Variants in GNAZ observed in about 807,000 individuals in gnomAD.
The protein encoded by GNAZ is guanine nucleotide-binding protein G(z) subunit alpha.
A neutral mutation model predicts 25.4 loss-of-function variants in GNAZ; 3 were observed. The observed-to-expected ratio is 0.12, with a 90% CI of 0.05 to 0.30. The LOEUF (loss-of-function observed/expected upper bound fraction) is 0.30. GNAZ is among the 10% of genes least tolerant of loss of function. GNAZ has a pLI of 1.00. For missense variants in GNAZ, 241 were observed against 501.8 expected (o/e 0.48, Z 4.97); for synonymous variants, 211 against 205.7 (o/e 1.03, Z -0.22).
At chr22:23,113,032 A>C (rs1476380144) in intron 2 of GNAZ, among the ~76,000 whole-genome samples, 1 of 151,390 alleles carries the variant, frequency 6.6e-6, no homozygotes, top group Non-Finnish European at 1.5e-5. Flanking sequence ...TGCTCTGAGC[A>C]TAGCAGCCCC....
chr22:23,116,142 C>T (rs923629198), intron 2 of GNAZ, among the ~76,000 whole-genome samples: 2 of 152,262 alleles, frequency 1.3e-5, no homozygotes, highest in Admixed American at 1.3e-4. Context: ...AGCCTTGCTT[C>T]GTGAAGCTGC....
intron 2 of GNAZ, among the ~76,000 whole-genome samples, chr22:23,119,760 A>C (rs1339282324): frequency 6.6e-6 from 1 of 152,128 alleles, no homozygotes; most frequent in Non-Finnish European, 1.5e-5. Context: ...CCCGGAAGTG[A>C]GGTATGTGGT....
chr22:23,078,697 C>G (rs2068580435), intron 1 of GNAZ, among the ~76,000 whole-genome samples: 2 of 152,218 alleles, frequency 1.3e-5, no homozygotes. Flanking sequence ...GGGATTATCC[C>G]CATCACTGGC....
intron 2 of GNAZ, among the ~76,000 whole-genome samples, chr22:23,105,754 C>T (rs919671265): frequency 6.6e-6 from 1 of 152,208 alleles, no homozygotes; most frequent in African/African-American, 2.4e-5. Context: ...TTCCCTTCAG[C>T]GACTGACACT....
chr22:23,112,515 CTG>C (rs1413358840), intron 2 of GNAZ, among the ~76,000 whole-genome samples: 2 of 152,158 alleles, frequency 1.3e-5, no homozygotes. Flanking sequence ...CACAGCAGGT[CTG>C]TGGCCACGGC....
intron 2 of GNAZ, among the ~76,000 whole-genome samples, chr22:23,120,374 G>A (rs554599189): frequency 2.0e-5 from 3 of 152,220 alleles, no homozygotes; most frequent in Admixed American, 6.5e-5. Context: ...GGGGGTCCAC[G>A]TGGTCTATCG....
chr22:23,095,968 C>G lies in GNAZ; in HGVS notation c.273C>G (p.Leu91=). The G allele has an allele frequency of 1.2e-6, 2 of 1,611,620 alleles. No individual in the cohort carries two copies. Among genetic ancestry groups the G allele is most frequent in the Non-Finnish European group, 1.7e-6 (2 of 1,180,022 alleles). Residue 91 remains leucine (L), a synonymous_variant, in exon 2 of 3, where the codon CTC becomes CTG. Transcript: ENST00000615612. ...LTRIIRALAA[L]RIDFHNPDRA... is the part of the protein sequence containing the mutation. ...GCATCATCCGGGCCCTGGCCGCCCT[C>G]AGGATCGACTTCCACAACCCCGACC...
At position 23,117,850 on chromosome 22, in the gene GNAZ, C is replaced by G. The variant is rs117189542; in HGVS notation, c.724-5237C>G. Among the ~76,000 whole-genome samples, 318 of 152,334 alleles carry G rather than the reference C, an allele frequency of 2.1e-3. 5 individuals carry two copies. In the East Asian group the frequency reaches 0.043, roughly 20 times the overall value. On this transcript the variant is annotated intron_variant, in intron 2 of 2. Transcript: ENST00000615612. ...TGCCCCTTTGTGTCACCAGGAGAAC[C>G]TTGGTGGAGAATCAGGAGTGAGAGG... is the stretch of plus-strand genomic sequence containing the variant.
chr22:23,095,595 G>C lies in GNAZ; in HGVS notation c.-101G>C. 7.4e-7 allele frequency: 1 copy of C among 1,360,496 alleles called. No individual in the cohort carries two copies. The highest frequency in any genetic ancestry group is 9.9e-7 in the Non-Finnish European group (1 of 1,008,230). 84.3% of individuals were successfully genotyped at this position (1,360,496 alleles called of 1,614,324 possible). A position where few individuals can be genotyped will look rare whatever the true frequency, so the allele number is the denominator to read the frequency against. On this transcript the variant is annotated 5_prime_UTR_variant, in exon 2 of 3. Coordinates refer to ENST00000615612, the MANE Select transcript of GNAZ (RefSeq NM_002073.4). The stretch of plus-strand genomic sequence containing the variant: ...CCCCTGCTGGCACTGAGTGCCTCCA[G>C]GGCAGCTGGGCTCTTGTCTGCCTGG...
intron 2 of GNAZ, among the ~76,000 whole-genome samples, chr22:23,113,022 T>G (rs1332026238): frequency 1.3e-5 from 2 of 152,166 alleles, no homozygotes; most frequent in Non-Finnish European, 2.9e-5. Context: ...GAAGGGGACC[T>G]GCTCTGAGCA....
At chr22:23,122,996 T>C (rs1020003681) in intron 2 of GNAZ, 91 bp from the exon 3 acceptor site, 23 of 849,282 alleles carry the variant, frequency 2.7e-5, no homozygotes, top group Middle Eastern at 2.4e-4. Flanking sequence ...GCTGAGACCC[T>C]AGCAAAGGCT....
chr22:23,115,379 G>A (rs1601828812), intron 2 of GNAZ, among the ~76,000 whole-genome samples: 1 of 152,190 alleles, frequency 6.6e-6, no homozygotes, highest in Non-Finnish European at 1.5e-5. Flanking sequence ...GAGTAGGGAG[G>A]TGACGGTCCC....
At chr22:23,080,994 A>T (rs1485670291) in intron 1 of GNAZ, among the ~76,000 whole-genome samples, 2 of 152,106 alleles carry the variant, frequency 1.3e-5, no homozygotes, top group African/African-American at 4.8e-5. Flanking sequence ...GTCCGTTGTG[A>T]TTGTCCCAAA....
At chr22:23,103,498 G>C (rs1033352077) in intron 2 of GNAZ, among the ~76,000 whole-genome samples, 6 of 152,118 alleles carry the variant, frequency 3.9e-5, no homozygotes, top group Admixed American at 1.3e-4. Flanking sequence ...CTCTGACCCT[G>C]TGGCCGCGTG....
intron 1 of GNAZ, among the ~76,000 whole-genome samples, chr22:23,078,619 C>T (rs766666832): frequency 6.6e-6 from 1 of 152,248 alleles, no homozygotes; most frequent in Admixed American, 6.5e-5. Context: ...GAGGGTGTGG[C>T]CACTGCGGTC....
chr22:23,093,902 C>T (rs1477178467), intron 1 of GNAZ, among the ~76,000 whole-genome samples: 1 of 152,168 alleles, frequency 6.6e-6, no homozygotes, highest in African/African-American at 2.4e-5. Flanking sequence ...GAGGACAGCC[C>T]ACCAGGGGCC....
chr22:23,082,795 A>G (rs963481197), intron 1 of GNAZ, among the ~76,000 whole-genome samples: 4 of 152,054 alleles, frequency 2.6e-5, no homozygotes, highest in African/African-American at 9.7e-5. Flanking sequence ...TTTCTAGCAT[A>G]AGAGGACATG....
rs143014253 is a variant in GNAZ, at chr22:23,091,910, T to G, written c.-449-3337T>G. On this transcript the variant is annotated intron_variant, in intron 1 of 2. Transcript: ENST00000615612. ...ACTCTGACCTTCCTTCAGTTCCCCT[T>G]TGTGTTAGGGATGGTTTGTCCCTTT... Among the ~76,000 whole-genome samples the G allele has an allele frequency of 3.0e-3, 458 of 152,282 alleles. 1 individual carries two copies. Among genetic ancestry groups the G allele is most frequent in the African/African-American group, 0.01 (433 of 41,550 alleles).
chr22:23,095,943 G>A lies in GNAZ; in HGVS notation c.248G>A (p.Arg83His). Residue 83 changes from arginine to histidine, a missense_variant, in exon 2 of 3, where the codon CGC (arginine) becomes CAC (histidine). By Grantham distance (29) the Arg-to-His change is conservative (BLOSUM62 0). Coordinates refer to ENST00000615612, the MANE Select transcript of GNAZ (RefSeq NM_002073.4). ...TACAATGCCATCGACTCGCTGACCCGCATCATCCGGGCCCTGGCCGCCCTC... is the reference window on the plus strand; with the variant it reads ...TACAATGCCATCGACTCGCTGACCCACATCATCCGGGCCCTGGCCGCCCTC... ...IIYNAIDSLTRIIRALAALRI... is the reference protein window; with the variant it reads ...IIYNAIDSLTHIIRALAALRI... The A allele has an allele frequency of 3.1e-6, 5 of 1,612,576 alleles. No homozygotes were observed. The highest frequency in any genetic ancestry group is 1.1e-5 in the South Asian group (1 of 91,082).
Sources: gnomAD v4.1 joint callset for allele counts (sites outside exome capture counted in the v4.1 genomes callset) on GRCh38, gnomAD v4.1.1 for gene constraint, MANE v1.5 for transcripts, NCBI Gene and HGNC (gene_info 2026-07-23, HGNC 2026-07-21) for gene names.